GABRR2: variants seen among roughly 807,000 people sequenced by gnomAD.
GABRR2 encodes the protein gamma-aminobutyric acid type A receptor subunit rho2, also known as gamma-aminobutyric acid receptor subunit rho-2.
In GABRR2, 36 loss-of-function variants were observed where a neutral mutation model predicts 47.0. The ratio of observed to expected loss-of-function variants is 0.77; its 90% CI spans 0.59 to 1.01. The LOEUF (loss-of-function observed/expected upper bound fraction) is 1.01, where lower values mean the gene tolerates loss of function less well. GABRR2 is among the 50% of genes least tolerant of loss of function. The pLI, the probability that GABRR2 is intolerant of heterozygous loss-of-function variation, is 0.00. For synonymous variants in GABRR2, 204 were observed against 227.5 expected (o/e 0.90, Z 0.93); for missense variants, 587 against 594.6 (o/e 0.99, Z 0.13).
intron 1 of GABRR2, among the ~76,000 whole-genome samples, chr6:89,312,797 T>C (rs888365685): frequency 2.7e-4 from 41 of 152,222 alleles, no homozygotes; most frequent in Non-Finnish European, 5.4e-4. Context: ...TCCCTGTCCT[T>C]TTCCCCCAGC....
rs1562379491 is a variant in GABRR2 at position 89,292,751 on chromosome 6, TATCGTATATACG to T, written c.220+6996_220+7007del. On this transcript the variant is annotated intron_variant, in intron 2 of 8. Transcript: ENST00000402938. ...CGTATATATCATATATAATCGTATA[TATCGTATATACG>T]ATATATCGTATATATCGTATATACG... is the stretch of plus-strand genomic sequence containing the variant. Among the ~76,000 whole-genome samples the T allele has an allele frequency of 8.1e-4, 71 of 87,988 alleles. 7 individuals are homozygous for T. The highest frequency in any genetic ancestry group is 1.9e-3 in the East Asian group (5 of 2,574). 57.7% of individuals were successfully genotyped at this position (87,988 alleles called of 152,430 possible).
chr6:89,277,100 C>T (rs78979529), intron 2 of GABRR2, among the ~76,000 whole-genome samples: 2,112 of 152,324 alleles, frequency 0.014, 51 homozygotes, highest in African/African-American at 0.047. Context: ...TTATCCCCAT[C>T]ATCCCCACTT....
chr6:89,277,122 T>C (rs980503778), intron 2 of GABRR2, among the ~76,000 whole-genome samples: 1 of 152,212 alleles, frequency 6.6e-6, no homozygotes, highest in African/African-American at 2.4e-5. Context: ...TCAGACCAGG[T>C]GGAGGTAACT....
At chr6:89,296,292 C>T (rs1483863330) in intron 2 of GABRR2, among the ~76,000 whole-genome samples, 1 of 152,260 alleles carries the variant, frequency 6.6e-6, no homozygotes, top group Non-Finnish European at 1.5e-5. Flanking sequence ...GAATCCCCGT[C>T]CTGCGATCAT....
rs534739098 is a variant in GABRR2 at position 89,296,297 on chromosome 6, G to A, written c.220+3462C>T. Among the ~76,000 whole-genome samples, 6 of 152,368 alleles carry A rather than the reference G, an allele frequency of 3.9e-5. No individual in the cohort carries two copies. The East Asian group carries it at 5.8e-4, about 15-fold the overall frequency. On this transcript the variant is annotated intron_variant, in intron 2 of 8. Coordinates refer to ENST00000402938, the MANE Select transcript of GABRR2 (RefSeq NM_002043.5). Reference sequence around the variant, plus strand: ...CAAGCAGTGGGAATCCCCGTCCTGCGATCATCCCATCTTGCCTGGCTGGCC... The same window carrying A: ...CAAGCAGTGGGAATCCCCGTCCTGCAATCATCCCATCTTGCCTGGCTGGCC...
intron 8 of GABRR2, among the ~76,000 whole-genome samples, chr6:89,259,405 T>G (rs892225421): frequency 6.6e-6 from 1 of 152,186 alleles, no homozygotes; most frequent in Non-Finnish European, 1.5e-5. Flanking sequence ...CTTGAAGAAA[T>G]TGTTCGTGGT....
At chr6:89,292,346 TTATATATATATATA>T (rs57703020) in intron 2 of GABRR2, among the ~76,000 whole-genome samples, 6 of 13,848 alleles carry the variant, frequency 4.3e-4, no homozygotes, top group African/African-American at 1.2e-3. Context: ...AAAAAAAATT[TTATATATATATATA>T]TATATATATA....
intron 1 of GABRR2, chr6:89,302,897 C>G (rs1479735096): frequency 8.4e-7 from 1 of 1,194,146 alleles, no homozygotes; most frequent in Non-Finnish European, 1.2e-6. Context: ...AGGAGCTGTT[C>G]AAGCATCTCA....
chr6:89,263,551 C>A (rs113648577), intron 8 of GABRR2, among the ~76,000 whole-genome samples: 179 of 152,292 alleles, frequency 1.2e-3, no homozygotes, highest in Non-Finnish European at 2.2e-3. Context: ...GAAATGGGGT[C>A]TTGCTCTGTC....
chr6:89,262,042 A>G (rs1391046437), intron 8 of GABRR2, among the ~76,000 whole-genome samples: 1 of 151,862 alleles, frequency 6.6e-6, no homozygotes, highest in Non-Finnish European at 1.5e-5. Flanking sequence ...AAAAAAAAAA[A>G]AAAATTTGCA....
chr6:89,307,442 GC>G (rs1767588040), intron 1 of GABRR2, among the ~76,000 whole-genome samples: 1 of 152,220 alleles, frequency 6.6e-6, no homozygotes, highest in African/African-American at 2.4e-5. Context: ...AACCAATGAT[GC>G]CTAAATCCCA....
chr6:89,276,259 G>C (rs895999164), intron 2 of GABRR2, among the ~76,000 whole-genome samples: 7 of 150,852 alleles, frequency 4.6e-5, no homozygotes, highest in African/African-American at 1.7e-4. Context: ...AGATCCATAG[G>C]GGTCTTTGGA....
intron 2 of GABRR2, among the ~76,000 whole-genome samples, chr6:89,298,021 C>T (rs1178521262): frequency 6.6e-6 from 1 of 152,178 alleles, no homozygotes; most frequent in Non-Finnish European, 1.5e-5. Context: ...TTTAAAGCTG[C>T]TTATTAGTAT....
intron 2 of GABRR2, among the ~76,000 whole-genome samples, chr6:89,274,620 A>G (rs537985905): frequency 1.3e-5 from 2 of 152,164 alleles, no homozygotes; most frequent in African/African-American, 2.4e-5. Flanking sequence ...TAATCCCAAC[A>G]CTTTGGGAAG....
chr6:89,267,082 C>A (rs915113069), intron 6 of GABRR2, among the ~76,000 whole-genome samples: 8 of 149,746 alleles, frequency 5.3e-5, no homozygotes, highest in African/African-American at 2.0e-4. Flanking sequence ...TCACTGCAAC[C>A]TTTGCCTCCT....
chr6:89,310,166 G>C (rs1357259475), intron 1 of GABRR2, among the ~76,000 whole-genome samples: 2 of 151,884 alleles, frequency 1.3e-5, no homozygotes, highest in Non-Finnish European at 1.5e-5. Context: ...AATCCTCACT[G>C]TTCCACCTAA....
chr6:89,302,829 A>T, intron 1 of GABRR2: 1 of 1,396,110 alleles, frequency 7.2e-7, no homozygotes, highest in East Asian at 2.9e-5. Context: ...CGTGTGTGAC[A>T]TCCCACCCCC....
intron 1 of GABRR2, among the ~76,000 whole-genome samples, chr6:89,313,230 T>C (rs1178001727): frequency 6.6e-6 from 1 of 152,216 alleles, no homozygotes; most frequent in Non-Finnish European, 1.5e-5. Flanking sequence ...GTGTGCTCCA[T>C]GGAGTAGGAA....
intron 2 of GABRR2, among the ~76,000 whole-genome samples, chr6:89,292,779 CGT>C (rs761213738): frequency 0.7 from 63,885 of 90,736 alleles, 25,279 homozygotes; most frequent in East Asian, 0.86. Flanking sequence ...TCGTATATAT[CGT>C]ATATACGATA....
Sources: allele counts gnomAD v4.1 joint callset (sites outside exome capture counted in the v4.1 genomes callset), GRCh38; gene constraint gnomAD v4.1.1; transcripts MANE v1.5; gene names NCBI Gene and HGNC (gene_info 2026-07-23, HGNC 2026-07-21).